The following TRAK1 variants were observed in gnomAD, a reference collection of about 807,000 sequenced individuals.
TRAK1 encodes the protein trafficking kinesin protein 1.
TRAK1 carries 33 observed loss-of-function variants against 92.1 expected under a neutral mutation model. The ratio of observed to expected loss-of-function variants is 0.36; its 90% confidence interval spans 0.27 to 0.48. The LOEUF (loss-of-function observed/expected upper bound fraction) is 0.48. Ranked by LOEUF, TRAK1 falls within the 20% of genes least tolerant of loss-of-function variation. The probability of loss-of-function intolerance (pLI) is 0.99; values close to 1 mark genes in which losing one functional copy is unlikely to be tolerated. For synonymous variants in TRAK1, 521 were observed against 517.3 expected, an observed-to-expected ratio of 1.01 and a Z score of -0.10; for missense variants, 1,123 against 1,257.9, an observed-to-expected ratio of 0.89 and a Z score of 1.62.
In TRAK1 at chr3:42,033,122, C is replaced by T. The variant is rs182337852; in HGVS notation, c.-519+19005C>T. Among the ~76,000 whole-genome samples the T allele has an allele frequency of 3.7e-4, 56 of 152,230 alleles. No individual in the cohort carries two copies. The East Asian group carries it at 9.2e-3, about 25-fold the overall frequency. On this transcript the variant is annotated intron_variant, in intron 1 of 16. Transcript: ENST00000487159. ...TTTTTAATGGGCTCTGGGTAATTAC[C>T]GCGGCCTCCCATCTCAGCCAGTACA...
intron 1 of TRAK1, among the ~76,000 whole-genome samples, chr3:42,113,516 T>C (rs9875966): frequency 0.62 from 93,638 of 151,384 alleles, 29,274 homozygotes; most frequent in South Asian, 0.77. Flanking sequence ...TGGGTTCAAG[T>C]GATCCTCCTG....
chr3:42,072,551 A>C (rs572341697), intron 1 of TRAK1, among the ~76,000 whole-genome samples: 3 of 125,274 alleles, frequency 2.4e-5, no homozygotes, highest in Non-Finnish European at 3.4e-5. Flanking sequence ...GTCAGTGTGC[A>C]GCTTTTTTTT....
intron 1 of TRAK1, among the ~76,000 whole-genome samples, chr3:42,112,797 G>A (rs1429586854): frequency 6.6e-6 from 1 of 151,852 alleles, no homozygotes; most frequent in Non-Finnish European, 1.5e-5. Flanking sequence ...TAAAGAGATG[G>A]GGTCTTGCTA....
intron 1 of TRAK1, among the ~76,000 whole-genome samples, chr3:42,024,820 A>T (rs1701856392): frequency 6.6e-6 from 1 of 152,150 alleles, no homozygotes; most frequent in Middle Eastern, 3.2e-3. Context: ...TAAACCCCAT[A>T]CGTCTTACCA....
At chr3:42,045,619 C>G (rs1279271948) in intron 1 of TRAK1, among the ~76,000 whole-genome samples, 1 of 152,190 alleles carries the variant, frequency 6.6e-6, no homozygotes, top group Non-Finnish European at 1.5e-5. Flanking sequence ...GGGAAAACAC[C>G]CTTTGCCTAA....
At position 42,187,321 on chromosome 3, in the gene TRAK1, A is replaced by T. The variant is rs1363715442; in HGVS notation, c.481-724A>T. The stretch of plus-strand genomic sequence containing the variant: ...GCAGAGCTGGCATCTCCAGGACCCT[A>T]TTTGGAGTTGGGATTTGGTTCTGGC... On this transcript the variant is annotated intron_variant, in intron 4 of 15. Transcript: ENST00000327628. 3.3e-5 allele frequency among the ~76,000 whole-genome samples: 5 copies of T among 152,296 alleles called. No individual in the cohort carries two copies. In the East Asian group the frequency reaches 9.6e-4, roughly 29 times the overall value.
At chr3:42,120,825 C>T (rs1049162693) in intron 1 of TRAK1, among the ~76,000 whole-genome samples, 7 of 152,126 alleles carry the variant, frequency 4.6e-5, no homozygotes, top group Middle Eastern at 3.4e-3. Flanking sequence ...GGATTATAGG[C>T]GTGAGCCACC....
intron 2 of TRAK1, among the ~76,000 whole-genome samples, chr3:42,142,046 C>T (rs990091208): frequency 6.6e-5 from 10 of 152,224 alleles, no homozygotes; most frequent in Middle Eastern, 6.8e-3. Context: ...GCAGGGGAAT[C>T]GCTTGAACCT....
At chr3:42,105,593 C>T (rs1450109708) in intron 1 of TRAK1, among the ~76,000 whole-genome samples, 1 of 152,176 alleles carries the variant, frequency 6.6e-6, no homozygotes, top group Non-Finnish European at 1.5e-5. Flanking sequence ...GGGAAACACT[C>T]TTCAGGATAT....
chr3:42,090,148 C>G (rs1376774040), upstream of TRAK1, among the ~76,000 whole-genome samples: 1 of 152,092 alleles, frequency 6.6e-6, no homozygotes, highest in African/African-American at 2.4e-5. Flanking sequence ...AAGCACAGCA[C>G]AGTAGGGCAC....
chr3:42,045,477 G>A (rs911033070), intron 1 of TRAK1, among the ~76,000 whole-genome samples: 1 of 152,232 alleles, frequency 6.6e-6, no homozygotes, highest in Admixed American at 6.5e-5. Context: ...AGAGGTTGCA[G>A]TGAGCCCAGA....
At chr3:42,102,479 G>A (rs1033992793) in intron 1 of TRAK1, among the ~76,000 whole-genome samples, 2 of 152,184 alleles carry the variant, frequency 1.3e-5, no homozygotes, top group African/African-American at 4.8e-5. Context: ...GTATGGTACT[G>A]ATGCTGGATG....
chr3:42,059,744 A>T (rs988729680), intron 1 of TRAK1, among the ~76,000 whole-genome samples: 1 of 152,224 alleles, frequency 6.6e-6, no homozygotes, highest in African/African-American at 2.4e-5. Flanking sequence ...GCTAGCTGTG[A>T]TGGAGGCTCT....
chr3:42,050,285 T>G (rs1176174775), intron 1 of TRAK1, among the ~76,000 whole-genome samples: 2 of 152,188 alleles, frequency 1.3e-5, no homozygotes, highest in African/African-American at 4.8e-5. Context: ...GAGCCTAAGC[T>G]TGTGTGTTCA....
intron 1 of TRAK1, among the ~76,000 whole-genome samples, chr3:42,052,721 T>G (rs1435125704): frequency 6.6e-6 from 1 of 152,198 alleles, no homozygotes; most frequent in Admixed American, 6.5e-5. Context: ...TCTGTGTGCA[T>G]GCAGGATGTG....
chr3:42,111,944 G>T (rs1708466934), intron 1 of TRAK1, among the ~76,000 whole-genome samples: 1 of 147,688 alleles, frequency 6.8e-6, no homozygotes, highest in Admixed American at 6.8e-5. Flanking sequence ...ATCTAGAAAA[G>T]AGTTTTCACA....
At chr3:42,072,168 C>T (rs1461875535) in intron 1 of TRAK1, among the ~76,000 whole-genome samples, 4 of 152,088 alleles carry the variant, frequency 2.6e-5, no homozygotes, top group East Asian at 3.9e-4. Context: ...ACAGCAAGCC[C>T]GTTGGCCTGG....
intron 1 of TRAK1, among the ~76,000 whole-genome samples, chr3:42,124,734 G>A (rs966716233): frequency 3.3e-5 from 5 of 152,156 alleles, no homozygotes; most frequent in Admixed American, 1.3e-4. Flanking sequence ...TGACAAAATG[G>A]CATGTCAGTA....
chr3:42,145,749 C>A, intron 2 of TRAK1: 1 of 187,874 alleles, frequency 5.3e-6, no homozygotes. Flanking sequence ...ATGAATATTG[C>A]ATATTGTACT....
Sources: allele counts gnomAD v4.1 joint callset (sites outside exome capture counted in the v4.1 genomes callset), GRCh38; gene constraint gnomAD v4.1.1; transcripts MANE v1.5; gene names NCBI Gene and HGNC (gene_info 2026-07-23, HGNC 2026-07-21).